EVPL: variants seen among roughly 807,000 people sequenced by gnomAD.
The protein encoded by EVPL is envoplakin.
In EVPL, 94 loss-of-function variants were observed where a neutral mutation model predicts 129.7. The observed-to-expected ratio is 0.72, with a 90% CI of 0.61 to 0.86. The LOEUF is 0.86. Among genes scored for constraint, EVPL ranks in the 40% least tolerant of loss-of-function variants. EVPL has a pLI of 0.00. For missense variants in EVPL, 2,625 were observed against 2,721.1 expected (o/e 0.96, Z 0.79); for synonymous variants, 1,172 against 1,191.1 (o/e 0.98, Z 0.33).
Position 76,006,863 on chromosome 17 carries a change from C to T in EVPL, c.*240G>A, listed in dbSNP as rs987926979. The stretch of plus-strand genomic sequence containing the variant: ...CCACATGGCACGGGGAGACAGAATT[C>T]GTTTATTGGGATCACTGGGTGGAGG... On this transcript the variant is annotated 3_prime_UTR_variant, in exon 22 of 22. Coordinates refer to ENST00000301607, the MANE Select transcript of EVPL (RefSeq NM_001988.4). 8 of 395,654 alleles carry T rather than the reference C, an allele frequency of 2.0e-5. 1 individual carries two copies. In the South Asian group the frequency reaches 3.8e-4, roughly 19 times the overall value. The allele number at this position is 395,654 out of a possible 1,614,324, so 24.5% of individuals were successfully genotyped here. A position where few individuals can be genotyped will look rare whatever the true frequency, so the allele number is the denominator to read the frequency against.
Position 76,027,141 on chromosome 17 carries a change from CG to C in EVPL, c.57del (p.Ala20ProfsTer50). 6.4e-7 allele frequency: 1 copy of C among 1,557,152 alleles called. No individual in the cohort carries two copies. Among genetic ancestry groups the C allele is most frequent in the Non-Finnish European group, 8.6e-7 (1 of 1,158,446 alleles). ...GGGGAGCCTTTGGGGGACCCCTTGGCGGGGGAGCCCTTGGGGGACCCCTTCC... is the reference window on the plus strand; with the variant it reads ...GGGGAGCCTTTGGGGGACCCCTTGGCGGGGAGCCCTTGGGGGACCCCTTCC... Reference protein sequence around the residue: ...SQGKGSPKGSPAKGSPKGSPS... With the variant: ...SQGKGSPKGSXAKGSPKGSPS... On this transcript the variant is annotated frameshift_variant, in exon 1 of 22. Transcript: ENST00000301607. LOFTEE classifies it high-confidence loss of function.
intron 1 of EVPL, 101 bp downstream of exon 1, chr17:76,027,000 C>A: frequency 1.5e-6 from 1 of 674,116 alleles, no homozygotes; most frequent in Middle Eastern, 3.9e-4. Flanking sequence ...GGGGCTGGTC[C>A]TGGGCTCTGG....
chr17:76,009,209 C>G lies in EVPL; in HGVS notation c.3996G>C (p.Arg1332=). Reference sequence around the variant, plus strand: ...CCGCCTCCCGCACCTCCTGGCGGAGCCGCTCTGCTTCTTTCTCCAGCACCG... The same window carrying G: ...CCGCCTCCCGCACCTCCTGGCGGAGGCGCTCTGCTTCTTTCTCCAGCACCG... ...KDPVLEKEAE[R]LRQEVREAAQ... is the part of the protein sequence containing the mutation. Residue 1332 remains arginine (R), a synonymous_variant, in exon 22 of 22, where the codon CGG becomes CGC. Coordinates refer to ENST00000301607, the MANE Select transcript of EVPL (RefSeq NM_001988.4). The surrounding 1 kb of genome is among the most constrained non-coding windows in gnomAD (Gnocchi z 5.9). 6.2e-7 allele frequency: 1 copy of G among 1,609,214 alleles called. No homozygotes were observed. The highest frequency in any genetic ancestry group is 2.2e-5 in the East Asian group (1 of 44,860).
At chr17:76,015,140 C>T in intron 16 of EVPL, 31 bp from the exon 17 acceptor site, 2 of 1,565,958 alleles carry the variant, frequency 1.3e-6, no homozygotes, top group Non-Finnish European at 1.7e-6. Context: ...GCCGTGCACC[C>T]TCGTGGCTGG....
intron 9 of EVPL, 105 bp from the exon 10 acceptor site, chr17:76,019,758 TAAACCAGCTAAACAC>T (rs1478815984): frequency 3.3e-4 from 451 of 1,372,874 alleles, no homozygotes; most frequent in African/African-American, 1.3e-3. Flanking sequence ...CAGCTAAACC[TAAACCAGCTAAACAC>T]AAACCAGCTA....
rs1426396799 is a variant in EVPL, at chr17:76,018,942, T to A, written c.1256A>T (p.Asp419Val). The change falls in exon 11 of 22, where the codon GAC becomes GTC. Residue 419 changes from aspartate to valine, a missense_variant. Asp to Val is a radical substitution (Grantham distance 152, BLOSUM62 -3). Around this residue, in one of 4 missense-constraint regions of EVPL, gnomAD observed 1,024 missense variants for 997.5 expected, o/e 1.03. Coordinates refer to ENST00000301607, the MANE Select transcript of EVPL (RefSeq NM_001988.4). ...TCCTGAGTCCCAGTCGCAGATGCTG[T>A]CCACGTGCAGGGGCTGCTGAGGGGG... is the stretch of plus-strand genomic sequence containing the variant. ...RNPPQQPLHV[D>V]SICDWDSGEV... 4 of 1,549,436 alleles carry A rather than the reference T, an allele frequency of 2.6e-6. No individual in the cohort carries two copies. Among genetic ancestry groups the A allele is most frequent in the Non-Finnish European group, 3.5e-6 (4 of 1,151,552 alleles).
Position 76,010,378 on chromosome 17 carries a change from G to A in EVPL, c.2827C>T (p.Leu943=), listed in dbSNP as rs1438977798. ...AAGGGCCGCTGGGTCCTCAGCTGCA[G>A]CAGTTGGCTCCTCTGCGCCTCCAGC... ...HELEAQRSQL[L]QLRTQRPLER... Residue 943 remains leucine (L), a synonymous_variant, in exon 22 of 22, where the codon CTG becomes TTG. Transcript: ENST00000301607. 1 of 1,613,886 alleles carries A rather than the reference G, an allele frequency of 6.2e-7. No homozygotes were observed. The highest frequency in any genetic ancestry group is 1.3e-5 in the African/African-American group (1 of 74,894).
In EVPL at chr17:76,007,075, C is replaced by T. The variant is rs2066321317; in HGVS notation, c.*28G>A. On this transcript the variant is annotated 3_prime_UTR_variant, in exon 22 of 22. Coordinates refer to ENST00000301607, the MANE Select transcript of EVPL (RefSeq NM_001988.4). The surrounding 1 kb of genome is among the most constrained non-coding windows in gnomAD (Gnocchi z 8.8). ...CGTATCCTACCTGGCCCAACACACG[C>T]ACTTCCCCACTGGCTCCTTGGCCCG... The T allele has an allele frequency of 2.8e-6, 4 of 1,435,526 alleles. No homozygotes were observed. The highest frequency in any genetic ancestry group is 3.7e-6 in the Non-Finnish European group (4 of 1,094,594). 88.9% of individuals were successfully genotyped at this position (1,435,526 alleles called of 1,614,324 possible).
intron 11 of EVPL, 57 bp from the exon 12 acceptor site, chr17:76,018,657 A>G: frequency 6.6e-7 from 1 of 1,525,654 alleles, no homozygotes; most frequent in East Asian, 2.3e-5. Flanking sequence ...GGCCAAGGCC[A>G]GGGCAGAGTA....
chr17:76,015,404 C>G (rs746937551), intron 15 of EVPL, 39 bp from the exon 16 acceptor site: 2 of 1,604,056 alleles, frequency 1.2e-6, no homozygotes, highest in East Asian at 2.2e-5. Context: ...CTCCCTGGGC[C>G]ACACGCTGCT....
Position 76,014,488 on chromosome 17 carries a change from G to T in EVPL, c.2311C>A (p.Arg771Ser). The change falls in exon 18 of 22, where the codon CGC (arginine) becomes AGC (serine). Residue 771 changes from arginine (R) to serine (S), a missense_variant. Coordinates refer to ENST00000301607, the MANE Select transcript of EVPL (RefSeq NM_001988.4). Reference protein sequence around the residue: ...NLSSWLEHLPRSQVRPSDGPS... With the variant: ...NLSSWLEHLPSSQVRPSDGPS... ...CCGTCGCTGGGCCGCACCTGGCTGC[G>T]GGGCAGGTGCTCCAGCCAGGAGCTC... is the stretch of plus-strand genomic sequence containing the variant. 1 of 1,611,982 alleles carries T rather than the reference G, an allele frequency of 6.2e-7. No individual in the cohort carries two copies. The highest frequency in any genetic ancestry group is 8.5e-7 in the Non-Finnish European group (1 of 1,179,500).
rs2066427503 is a variant in EVPL at position 76,017,754 on chromosome 17, G to T, written c.1695C>A (p.Arg565=). ...GCTCACCCACCTCATGGCTGTGGAT[G>T]CGGCCCTCCAAGTCCTCCAAGGGTG... ...RPTPLEDLEG[R]IHSHEGTAQR... Residue 565 remains arginine (R), a synonymous_variant, in exon 14 of 22, where the codon CGC becomes CGA. Transcript: ENST00000301607. The T allele has an allele frequency of 5.0e-6, 8 of 1,612,448 alleles. No individual in the cohort carries two copies. The East Asian group carries it at 1.6e-4, about 31-fold the overall frequency.
At chr17:76,012,711 GT>G (rs1794988887) in intron 18 of EVPL, among the ~76,000 whole-genome samples, 1 of 151,528 alleles carries the variant, frequency 6.6e-6, no homozygotes, top group African/African-American at 2.4e-5. Flanking sequence ...GCAGGTCCGG[GT>G]GGCCCTGAGA....
At position 76,021,998 on chromosome 17, in the gene EVPL, C is replaced by T. The variant is rs2144435117; in HGVS notation, c.676G>A (p.Gly226Ser). 1.3e-6 allele frequency: 2 copies of T among 1,564,130 alleles called. No homozygotes were observed. Among genetic ancestry groups the T allele is most frequent in the Non-Finnish European group, 1.7e-6 (2 of 1,162,640 alleles). The part of the protein sequence containing the change: ...KAASWRGQSL[G>S]SLYTHLQGCT... ...CCCTGGAGGTGCGTGTACAGGCTGC[C>T]CAGGCTCTGCCCGCGCCACGACGCC... is the stretch of plus-strand genomic sequence containing the variant. The change falls in exon 7 of 22, where the codon GGC becomes AGC. Residue 226 changes from glycine (G) to serine (S), a missense_variant. By Grantham distance (56) the Gly-to-Ser change is moderately conservative. Coordinates refer to ENST00000301607, the MANE Select transcript of EVPL (RefSeq NM_001988.4).
At position 76,015,764 on chromosome 17, in the gene EVPL, G is replaced by A. The variant is rs1048847271; in HGVS notation, c.1711-136C>T. On this transcript the variant is annotated intron_variant, in intron 14 of 21. Coordinates refer to ENST00000301607, the MANE Select transcript of EVPL (RefSeq NM_001988.4). Reference sequence around the variant, plus strand: ...GCTTGGGCTCAGGCCAGAGAACTGCGTTCAGTCCTGGCGCTACTCGTTCCT... The same window carrying A: ...GCTTGGGCTCAGGCCAGAGAACTGCATTCAGTCCTGGCGCTACTCGTTCCT... 5.0e-5 allele frequency: 44 copies of A among 873,880 alleles called. 1 individual carries two copies. The highest frequency in any genetic ancestry group is 6.7e-5 in the Non-Finnish European group (39 of 581,960). The allele number at this position is 873,880 out of a possible 1,614,324, so 54.1% of individuals were successfully genotyped here. A position where few individuals can be genotyped will look rare whatever the true frequency, so the allele number is the denominator to read the frequency against.
rs776872012 is a variant in EVPL at position 76,010,553 on chromosome 17, GGAA to G, written c.2662-13_2662-11del. 9 of 1,606,778 alleles carry G rather than the reference GGAA, an allele frequency of 5.6e-6. No individual in the cohort carries two copies. The Admixed American group carries it at 1.0e-4, about 18-fold the overall frequency. ...CCTCACTGAGCTCCTTCTGCAGAGA[GGAA>G]GAAGGGTAGAGCACGGGGTGGGCGG... On this transcript the variant is annotated splice_polypyrimidine_tract_variant and intron_variant, in intron 21 of 21. Transcript: ENST00000301607.
rs532254895 is a variant in EVPL, at chr17:76,014,552, G to C, written c.2247C>G (p.Ala749=). ...DLREKVVQDA[A]LTYQQFKNCK... is the part of the protein sequence containing the mutation. Reference sequence around the variant, plus strand: ...AGTTCTTGAACTGCTGGTAGGTGAGGGCGGCATCCTGCACCACCTTCTCCC... The same window carrying C: ...AGTTCTTGAACTGCTGGTAGGTGAGCGCGGCATCCTGCACCACCTTCTCCC... Residue 749 remains alanine (A), a synonymous_variant, in exon 18 of 22, where the codon GCC becomes GCG. Coordinates refer to ENST00000301607, the MANE Select transcript of EVPL (RefSeq NM_001988.4). 1.7e-5 allele frequency: 28 copies of C among 1,612,340 alleles called. No homozygotes were observed. In the East Asian group the frequency reaches 5.6e-4, roughly 32 times the overall value.
At chr17:76,016,390 C>T (rs1394651894) in intron 14 of EVPL, among the ~76,000 whole-genome samples, 7 of 152,216 alleles carry the variant, frequency 4.6e-5, no homozygotes, top group Non-Finnish European at 1.0e-4. Flanking sequence ...CATCACCGAG[C>T]AGTGCTGACT....
Position 76,009,313 on chromosome 17 carries a change from G to A in EVPL, c.3892C>T (p.Arg1298Cys), listed in dbSNP as rs761810112. The change falls in exon 22 of 22, where the codon CGC (arginine) becomes TGC (cysteine). Residue 1298 changes from arginine to cysteine, a missense_variant. Physicochemically the swap from Arg to Cys is radical, Grantham distance 180 (BLOSUM62 -3). This residue lies in a region of EVPL where 1,453 missense variants were observed against 1,511.8 expected (regional missense o/e 0.96). Coordinates refer to ENST00000301607, the MANE Select transcript of EVPL (RefSeq NM_001988.4). This position sits in a 1 kb window ranked among gnomAD's most constrained non-coding sequence, Gnocchi z 5.9. ...GCCCGCTCGCGCCTCCACTCGTCGCGCTCACCCTGCAGGCGGATGAGCTGC... is the reference window on the plus strand; with the variant it reads ...GCCCGCTCGCGCCTCCACTCGTCGCACTCACCCTGCAGGCGGATGAGCTGC... Reference protein sequence around the residue: ...QEQLIRLQGERDEWRRERAKV... With the variant: ...QEQLIRLQGECDEWRRERAKV... 26 of 1,609,984 alleles carry A rather than the reference G, an allele frequency of 1.6e-5. No homozygotes were observed. The East Asian group carries it at 3.6e-4, about 22-fold the overall frequency.
Sources: gnomAD v4.1 joint callset for allele counts (sites outside exome capture counted in the v4.1 genomes callset) on GRCh38, gnomAD v4.1.1 for gene constraint, gnomAD v4.1.1 regional missense constraint, Gnocchi (gnomAD v3.1) non-coding constraint, MANE v1.5 for transcripts, NCBI Gene and HGNC (gene_info 2026-07-23, HGNC 2026-07-21) for gene names.